The following SEC24A variants were observed in gnomAD, a reference collection of about 807,000 sequenced individuals.
SEC24A encodes protein transport protein Sec24A.
A neutral mutation model predicts 129.4 loss-of-function variants in SEC24A; 93 were observed. The observed-to-expected ratio is 0.72, with a 90% CI of 0.61 to 0.85. The LOEUF (loss-of-function observed/expected upper bound fraction) is 0.85, where lower values mean the gene tolerates loss of function less well. Among genes scored for constraint, SEC24A ranks in the 40% least tolerant of loss-of-function variants. The pLI is 0.00. For synonymous variants in SEC24A, 460 were observed against 467.3 expected, an observed-to-expected ratio of 0.98 and a Z score of 0.20; for missense variants, 1,264 against 1,307.4, an observed-to-expected ratio of 0.97 and a Z score of 0.51.
intron 10 of SEC24A, among the ~76,000 whole-genome samples, chr5:134,687,688 G>T (rs934791660): frequency 6.6e-6 from 1 of 152,184 alleles, no homozygotes; most frequent in Non-Finnish European, 1.5e-5. Flanking sequence ...GATTGTCACT[G>T]ACTCACCCAT....
intron 19 of SEC24A, among the ~76,000 whole-genome samples, chr5:134,716,486 A>G (rs1752479826): frequency 6.7e-6 from 1 of 148,350 alleles, no homozygotes; most frequent in African/African-American, 2.5e-5. Context: ...AAAAAAAAAA[A>G]CCTTTGAAAA....
At chr5:134,664,889 C>T (rs1750603767) in intron 2 of SEC24A, among the ~76,000 whole-genome samples, 1 of 147,200 alleles carries the variant, frequency 6.8e-6, no homozygotes, top group Non-Finnish European at 1.5e-5. Context: ...ACCTCCGCCT[C>T]CCAGGTTCAA....
Position 134,682,409 on chromosome 5 carries a change from T to G in SEC24A, c.1418T>G (p.Val473Gly), listed in dbSNP as rs754409103. The G allele has an allele frequency of 1.2e-6, 2 of 1,607,822 alleles. No homozygotes were observed. Among genetic ancestry groups the G allele is most frequent in the South Asian group, 1.1e-5 (1 of 90,820 alleles). ...TTCTTGTACAACCCTTTGACCAGAG[T>G]TTATGGAGAACCTCACAGAAGACCA... ...EEFLYNPLTR[V>G]YGEPHRRPEV... is the part of the protein sequence containing the mutation. Residue 473 changes from valine to glycine, a missense_variant, in exon 9 of 23, where the codon GTT becomes GGT. Val to Gly is a moderately radical substitution (Grantham distance 109). Transcript: ENST00000398844.
At chr5:134,691,448 C>T (rs1238271158) in intron 11 of SEC24A, among the ~76,000 whole-genome samples, 1 of 150,304 alleles carries the variant, frequency 6.7e-6, no homozygotes, top group African/African-American at 2.5e-5. Context: ...ATTACAGGCA[C>T]GAGCCACCGC....
chr5:134,665,722 A>C (rs1342262941), intron 2 of SEC24A, among the ~76,000 whole-genome samples: 1 of 151,702 alleles, frequency 6.6e-6, no homozygotes, highest in Non-Finnish European at 1.5e-5. Context: ...ACACCTGGCT[A>C]ATTTTTTGTA....
chr5:134,675,423 T>C (rs376672778), intron 6 of SEC24A, among the ~76,000 whole-genome samples: 1 of 152,196 alleles, frequency 6.6e-6, no homozygotes, highest in South Asian at 2.1e-4. Context: ...TGAAGTGATT[T>C]TGTTCTTATC....
At chr5:134,693,994 G>C in intron 13 of SEC24A, 61 bp downstream of exon 13, 1 of 1,404,524 alleles carries the variant, frequency 7.1e-7, no homozygotes, top group East Asian at 2.3e-5. Flanking sequence ...TGTGACCATA[G>C]AACTTGTTTT....
intron 9 of SEC24A, among the ~76,000 whole-genome samples, chr5:134,685,558 C>T (rs536960288): frequency 6.6e-6 from 1 of 152,004 alleles, no homozygotes; most frequent in Admixed American, 6.6e-5. Flanking sequence ...TTTTGGTATT[C>T]GAGGTGGGAG....
At chr5:134,713,759 G>A (rs1428323665) in intron 18 of SEC24A, among the ~76,000 whole-genome samples, 1 of 151,602 alleles carries the variant, frequency 6.6e-6, no homozygotes, top group Admixed American at 6.6e-5. Context: ...GGCTGGGTGC[G>A]GTGGCTCACG....
chr5:134,651,559 G>A (rs1750050027), intron 1 of SEC24A, among the ~76,000 whole-genome samples: 1 of 151,594 alleles, frequency 6.6e-6, no homozygotes, highest in East Asian at 1.9e-4. Context: ...GCATCCCAAA[G>A]TGCTGGGATT....
In SEC24A at chr5:134,718,053, T is replaced by C; in HGVS notation, c.2866-16T>C. 1.3e-6 allele frequency: 2 copies of C among 1,594,892 alleles called. No homozygotes were observed. Among genetic ancestry groups the C allele is most frequent in the Non-Finnish European group, 1.7e-6 (2 of 1,162,670 alleles). ...TCCTATATTTAAAACCTTTACTCTT[T>C]TACTTAATTCCTCAGGGAGCACTCA... On this transcript the variant is annotated splice_polypyrimidine_tract_variant and intron_variant, in intron 19 of 22. Coordinates refer to ENST00000398844, the MANE Select transcript of SEC24A (RefSeq NM_021982.3).
At chr5:134,709,898 A>G (rs1752270034) in intron 18 of SEC24A, among the ~76,000 whole-genome samples, 1 of 151,936 alleles carries the variant, frequency 6.6e-6, no homozygotes, top group South Asian at 2.1e-4. Flanking sequence ...CAGCAACATT[A>G]CACTTCTCTT....
chr5:134,695,911 C>T (rs1751807665), intron 13 of SEC24A, among the ~76,000 whole-genome samples: 1 of 144,898 alleles, frequency 6.9e-6, no homozygotes. Context: ...CGCCACTGCA[C>T]TCCAGCCTGG....
At chr5:134,661,821 CTTTTT>C (rs70976551) in intron 2 of SEC24A, among the ~76,000 whole-genome samples, 2 of 77,848 alleles carry the variant, frequency 2.6e-5, no homozygotes, top group Non-Finnish European at 2.6e-5. Context: ...TCTTTTTTCT[CTTTTT>C]TTTTTTTTTT....
intron 18 of SEC24A, among the ~76,000 whole-genome samples, chr5:134,713,090 C>T (rs1752378405): frequency 6.6e-6 from 1 of 151,248 alleles, no homozygotes; most frequent in African/African-American, 2.4e-5. Flanking sequence ...CACCACAATG[C>T]CCGGCTAATT....
intron 11 of SEC24A, among the ~76,000 whole-genome samples, chr5:134,690,871 G>T (rs963933965): frequency 6.6e-6 from 1 of 152,126 alleles, no homozygotes; most frequent in African/African-American, 2.4e-5. Context: ...GTCTTGCTTT[G>T]TTGCCCAGGC....
At chr5:134,682,705 G>A (rs1273458073) in intron 9 of SEC24A, among the ~76,000 whole-genome samples, 1 of 152,058 alleles carries the variant, frequency 6.6e-6, no homozygotes, top group Non-Finnish European at 1.5e-5. Context: ...CTCCTGAGTA[G>A]CTGGGGCTAT....
chr5:134,693,306 A>G, intron 12 of SEC24A: 1 of 1,396,700 alleles, frequency 7.2e-7, no homozygotes, highest in Non-Finnish European at 9.3e-7. Flanking sequence ...TTGTAGTGAT[A>G]TTACTAGTTG....
intron 1 of SEC24A, among the ~76,000 whole-genome samples, chr5:134,651,252 C>T (rs1750038129): frequency 6.7e-6 from 1 of 148,582 alleles, no homozygotes; most frequent in South Asian, 2.1e-4. Flanking sequence ...CCACCAGGCC[C>T]CATTTTTTAT....
Sources: gnomAD v4.1 joint callset for allele counts (sites outside exome capture counted in the v4.1 genomes callset) on GRCh38, gnomAD v4.1.1 for gene constraint, MANE v1.5 for transcripts, NCBI Gene and HGNC (gene_info 2026-07-23, HGNC 2026-07-21) for gene names.